PTPRD: variants seen among roughly 807,000 people sequenced by gnomAD.
PTPRD encodes protein tyrosine phosphatase receptor type D.
PTPRD carries 34 observed loss-of-function variants against 214.5 expected under a neutral mutation model. The observed-to-expected ratio is 0.16, with a 90% CI of 0.12 to 0.21. PTPRD has a LOEUF of 0.21. Ranked by LOEUF, PTPRD falls within the 10% of genes least tolerant of loss-of-function variation. The probability of loss-of-function intolerance (pLI) is 1.00; values close to 1 mark genes in which losing one functional copy is unlikely to be tolerated. For missense variants in PTPRD, 2,545 were observed against 2,398.7 expected, an observed-to-expected ratio of 1.06 and a Z score of -1.27; for synonymous variants, 1,128 against 845.7, an observed-to-expected ratio of 1.33 and a Z score of -5.79.
chr9:9,157,509 C>G (rs2099882266), intron 10 of PTPRD, among the ~76,000 whole-genome samples: 1 of 151,978 alleles, frequency 6.6e-6, no homozygotes, highest in Non-Finnish European at 1.5e-5. Flanking sequence ...AAAAATTGGA[C>G]AGTCTAGAAG....
rs553960358 is a variant in PTPRD, at chr9:8,716,839, G to T, written c.64+16941C>A. 4.9e-4 allele frequency among the ~76,000 whole-genome samples: 74 copies of T among 152,272 alleles called. 1 individual carries two copies. The highest frequency in any genetic ancestry group is 1.7e-3 in the African/African-American group (71 of 41,550). On this transcript the variant is annotated intron_variant, in intron 12 of 45. Coordinates refer to ENST00000381196, the MANE Select transcript of PTPRD (RefSeq NM_002839.4). The stretch of plus-strand genomic sequence containing the variant: ...TGGCTGTATGGAAGGCCCAGTATTG[G>T]AATGTAGGGGGTTGGGGGTGAGGCA...
At chr9:9,812,878 G>C (rs1186839018) in intron 5 of PTPRD, among the ~76,000 whole-genome samples, 2 of 152,060 alleles carry the variant, frequency 1.3e-5, no homozygotes, top group African/African-American at 2.4e-5. Flanking sequence ...TATTGTGTTA[G>C]ACTGTAAATC....
intron 10 of PTPRD, among the ~76,000 whole-genome samples, chr9:9,117,382 T>C (rs541220438): frequency 9.7e-4 from 148 of 152,278 alleles, no homozygotes; most frequent in Middle Eastern, 3.4e-3. Context: ...TTTAATAACT[T>C]AAAACACTTG....
intron 11 of PTPRD, among the ~76,000 whole-genome samples, chr9:8,952,346 C>G (rs1433545): frequency 0.95 from 144,184 of 152,074 alleles, 68,824 homozygotes; most frequent in East Asian, 1. Flanking sequence ...TTGTCATCAA[C>G]GTACTGCATT....
chr9:8,775,375 T>C (rs1415383031), intron 11 of PTPRD, among the ~76,000 whole-genome samples: 1 of 152,148 alleles, frequency 6.6e-6, no homozygotes, highest in Non-Finnish European at 1.5e-5. Context: ...TATAGTCTTC[T>C]TGCTGTGGAC....
intron 2 of PTPRD, among the ~76,000 whole-genome samples, chr9:10,610,980 A>G (rs755383929): frequency 6.6e-6 from 1 of 152,184 alleles, no homozygotes; most frequent in Non-Finnish European, 1.5e-5. Flanking sequence ...GTAAATAAGG[A>G]GGTAAAAATA....
At chr9:8,784,203 C>A (rs1025964668) in intron 11 of PTPRD, among the ~76,000 whole-genome samples, 1 of 152,156 alleles carries the variant, frequency 6.6e-6, no homozygotes, top group African/African-American at 2.4e-5. Flanking sequence ...CTTCATTCTG[C>A]TGAAATAAAC....
At chr9:10,428,176 G>C (rs1051657869) in intron 2 of PTPRD, among the ~76,000 whole-genome samples, 3 of 151,884 alleles carry the variant, frequency 2.0e-5, no homozygotes, top group African/African-American at 7.3e-5. Flanking sequence ...TAAAATAGCT[G>C]GGTGTGGTGG....
chr9:9,859,074 T>C (rs1350430804), intron 5 of PTPRD, among the ~76,000 whole-genome samples: 3 of 152,052 alleles, frequency 2.0e-5, no homozygotes, highest in African/African-American at 7.2e-5. Flanking sequence ...GACAGTGAGT[T>C]CTCAAAAAAG....
At chr9:8,335,582 C>G (rs554891310) in intron 43 of PTPRD, among the ~76,000 whole-genome samples, 7 of 152,278 alleles carry the variant, frequency 4.6e-5, no homozygotes, top group African/African-American at 1.7e-4. Context: ...AAAACTGGCA[C>G]AAGACAGGGA....
intron 39 of PTPRD, among the ~76,000 whole-genome samples, chr9:8,360,041 A>G (rs1255427519): frequency 6.6e-6 from 1 of 152,234 alleles, no homozygotes; most frequent in African/African-American, 2.4e-5. Flanking sequence ...TGGTGTCATC[A>G]TGTTTATTCC....
rs146728631 is a variant in PTPRD at position 9,246,132 on chromosome 9, A to G, written c.-202-62769T>C. Reference sequence around the variant, plus strand: ...GGGGGTGACTTTCAACATAAATATGATATTTTAGAAGAAAGGTAGAGTGAA... The same window carrying G: ...GGGGGTGACTTTCAACATAAATATGGTATTTTAGAAGAAAGGTAGAGTGAA... On this transcript the variant is annotated intron_variant, in intron 9 of 45. Transcript: ENST00000381196. Among the ~76,000 whole-genome samples, 267 of 152,150 alleles carry G rather than the reference A, an allele frequency of 1.8e-3. 4 individuals carry two copies. The highest frequency in any genetic ancestry group is 6.0e-3 in the African/African-American group (251 of 41,546).
At chr9:9,947,424 A>ATATATT (rs2092800538) in intron 4 of PTPRD, among the ~76,000 whole-genome samples, 2 of 32,824 alleles carry the variant, frequency 6.1e-5, no homozygotes, top group African/African-American at 5.6e-4. Flanking sequence ...TTATATATAT[A>ATATATT]TTATATATAT....
At chr9:10,100,303 C>T (rs868066152) in intron 3 of PTPRD, among the ~76,000 whole-genome samples, 2 of 151,650 alleles carry the variant, frequency 1.3e-5, no homozygotes, top group Middle Eastern at 3.4e-3. Context: ...GTCTAAATAC[C>T]ATATTATCCT....
At chr9:8,401,788 T>C (rs928893262) in intron 36 of PTPRD, among the ~76,000 whole-genome samples, 1 of 152,164 alleles carries the variant, frequency 6.6e-6, no homozygotes, top group Non-Finnish European at 1.5e-5. Context: ...CAGATCACTT[T>C]GCAAAATAAT....
Position 9,913,651 on chromosome 9 carries a change from T to C in PTPRD, c.-368+24856A>G, listed in dbSNP as rs566308767. Among the ~76,000 whole-genome samples, 160 of 152,182 alleles carry C rather than the reference T, an allele frequency of 1.1e-3. 1 individual carries two copies. Among genetic ancestry groups the C allele is most frequent in the African/African-American group, 3.7e-3 (153 of 41,528 alleles). On this transcript the variant is annotated intron_variant, in intron 5 of 45. Transcript: ENST00000381196. ...TTGCTGAGTCAGGAGGGACTTCCTATTGCCAGGAAAAGGTAAGCAGAAGAA... is the reference window on the plus strand; with the variant it reads ...TTGCTGAGTCAGGAGGGACTTCCTACTGCCAGGAAAAGGTAAGCAGAAGAA...
At chr9:9,042,137 T>C (rs866137) in intron 10 of PTPRD, among the ~76,000 whole-genome samples, 46,248 of 152,068 alleles carry the variant, frequency 0.3, 7,546 homozygotes, top group Non-Finnish European at 0.35. Flanking sequence ...CTCTTCTTTA[T>C]GTATTCTTAT....
chr9:10,328,600 C>T (rs569647754), intron 3 of PTPRD, among the ~76,000 whole-genome samples: 1 of 151,872 alleles, frequency 6.6e-6, no homozygotes, highest in African/African-American at 2.4e-5. Flanking sequence ...TTTCCCGAGA[C>T]TTTGAATGAC....
chr9:8,565,267 G>C (rs2088511164), intron 14 of PTPRD, among the ~76,000 whole-genome samples: 1 of 152,166 alleles, frequency 6.6e-6, no homozygotes, highest in Admixed American at 6.5e-5. Context: ...GCACAATGAA[G>C]TTTGAAATGT....
Sources: gnomAD v4.1 joint callset for allele counts (sites outside exome capture counted in the v4.1 genomes callset) on GRCh38, gnomAD v4.1.1 for gene constraint, MANE v1.5 for transcripts, NCBI Gene and HGNC (gene_info 2026-07-23, HGNC 2026-07-21) for gene names.